Variants in LARP1 observed in about 807,000 individuals in gnomAD.
LARP1 encodes the protein la-related protein 1.
In LARP1, 36 loss-of-function variants were observed where a neutral mutation model predicts 122.7. The ratio of observed to expected loss-of-function variants is 0.29; its 90% CI spans 0.22 to 0.39. The LOEUF is 0.39. LARP1 is among the 10% of genes least tolerant of loss of function. LARP1 has a pLI of 1.00. For missense variants in LARP1, 1,040 were observed against 1,403.6 expected, an observed-to-expected ratio of 0.74 and a Z score of 4.14; for synonymous variants, 539 against 528.7, an observed-to-expected ratio of 1.02 and a Z score of -0.27.
At chr5:154,776,842 G>C (rs1407326953) in intron 1 of LARP1, among the ~76,000 whole-genome samples, 3 of 152,180 alleles carry the variant, frequency 2.0e-5, no homozygotes, top group Non-Finnish European at 4.4e-5. Context: ...AGGAACTCCT[G>C]CTGAATGGGA....
At chr5:154,750,055 G>A (rs988692873) in intron 1 of LARP1, among the ~76,000 whole-genome samples, 1 of 152,160 alleles carries the variant, frequency 6.6e-6, no homozygotes, top group Non-Finnish European at 1.5e-5. Context: ...CAGCAAACTC[G>A]GAGATGGGAC....
At chr5:154,808,398 C>T (rs978706926) in intron 15 of LARP1, 61 bp from the exon 16 acceptor site, 100 of 1,570,500 alleles carry the variant, frequency 6.4e-5, no homozygotes, top group Non-Finnish European at 7.9e-5. Context: ...AGGATCCTTT[C>T]TCCCTGAAGC....
intron 1 of LARP1, among the ~76,000 whole-genome samples, chr5:154,720,200 ATAATAATAG>A (rs1392012345): frequency 2.2e-5 from 3 of 138,978 alleles, no homozygotes; most frequent in Non-Finnish European, 4.9e-5. Flanking sequence ...CAAAATAATA[ATAATAATAG>A]TAATAATAAT....
At chr5:154,692,989 TTA>T (rs200338860) in intron 1 of LARP1, among the ~76,000 whole-genome samples, 6,910 of 35,166 alleles carry the variant, frequency 0.2, 586 homozygotes, top group African/African-American at 0.47. Flanking sequence ...TAATTTTTAA[TTA>T]TTTTTTTTTT....
At chr5:154,778,076 A>C (rs1365234733) in intron 1 of LARP1, among the ~76,000 whole-genome samples, 1 of 152,034 alleles carries the variant, frequency 6.6e-6, no homozygotes, top group Non-Finnish European at 1.5e-5. Flanking sequence ...CCTGGCTAAC[A>C]CGGTGAAACC....
chr5:154,764,309 C>CA (rs763026015), intron 1 of LARP1, among the ~76,000 whole-genome samples: 4,464 of 112,612 alleles, frequency 0.04, 190 homozygotes, highest in African/African-American at 0.12. Context: ...GACTTCATCT[C>CA]AAAAAAAAAA....
At chr5:154,733,926 G>A (rs1756734000) in intron 1 of LARP1, among the ~76,000 whole-genome samples, 1 of 152,084 alleles carries the variant, frequency 6.6e-6, no homozygotes, top group East Asian at 1.9e-4. Flanking sequence ...AGCACTTTGG[G>A]AGGCGGAGGC....
At chr5:154,685,782 G>C (rs781707336) in intron 1 of LARP1, 3 of 502,820 alleles carry the variant, frequency 6.0e-6, no homozygotes, top group East Asian at 5.6e-5. Flanking sequence ...ATCAGGCTGG[G>C]CAACATAGCG....
intron 18 of LARP1, among the ~76,000 whole-genome samples, chr5:154,812,669 A>G (rs904710072): frequency 6.6e-6 from 1 of 151,784 alleles, no homozygotes; most frequent in African/African-American, 2.4e-5. Context: ...ATAGGTGCGC[A>G]CCACCACGCC....
At chr5:154,715,422 G>A (rs1006142824) in intron 1 of LARP1, among the ~76,000 whole-genome samples, 9 of 151,646 alleles carry the variant, frequency 5.9e-5, no homozygotes, top group Admixed American at 6.6e-5. Flanking sequence ...GTGCCACCAC[G>A]CTCAGCTCAT....
In LARP1 at chr5:154,724,996, G is replaced by A. The variant is rs189893539; in HGVS notation, c.205+11866G>A. Among the ~76,000 whole-genome samples the A allele has an allele frequency of 3.4e-3, 523 of 152,238 alleles. 2 individuals carry two copies. The highest frequency in any genetic ancestry group is 6.1e-3 in the Non-Finnish European group (417 of 68,012). ...TGGGAATTATTAAAAGAGCTAAACA[G>A]CCAGCCCTGTTGCCTCACACCTGTA... is the stretch of plus-strand genomic sequence containing the variant. On this transcript the variant is annotated intron_variant, in intron 1 of 18. Transcript: ENST00000336314.
intron 1 of LARP1, among the ~76,000 whole-genome samples, chr5:154,729,877 T>A (rs1338895758): frequency 6.6e-6 from 1 of 152,154 alleles, no homozygotes; most frequent in East Asian, 1.9e-4. Flanking sequence ...AATTTGCAAC[T>A]AAGGCAGTAA....
intron 1 of LARP1, chr5:154,757,178 G>T (rs1247517266): frequency 6.6e-6 from 1 of 151,106 alleles, no homozygotes; most frequent in Non-Finnish European, 1.5e-5. Flanking sequence ...GGGACAACGT[G>T]GTGCCTCCCC....
At position 154,811,497 on chromosome 5, in the gene LARP1, G is replaced by A. The variant is rs374004458; in HGVS notation, c.2954-16G>A. ...TTATCCTCACCAGCTCAGCTTTTCT[G>A]TACCTCTCCCTACAGGCCAACTGTA... On this transcript the variant is annotated splice_polypyrimidine_tract_variant and intron_variant, in intron 17 of 18. Coordinates refer to ENST00000518297, the MANE Select transcript of LARP1 (RefSeq NM_033551.3). 6.2e-7 allele frequency: 1 copy of A among 1,614,122 alleles called. No homozygotes were observed. Among genetic ancestry groups the A allele is most frequent in the African/African-American group, 1.3e-5 (1 of 75,022 alleles).
intron 1 of LARP1, among the ~76,000 whole-genome samples, chr5:154,695,197 C>T (rs1049757332): frequency 2.0e-5 from 3 of 151,700 alleles, no homozygotes; most frequent in African/African-American, 7.3e-5. Context: ...TGCCTGTAGT[C>T]CCAGCTACTC....
intron 15 of LARP1, 65 bp from the exon 16 acceptor site, chr5:154,808,394 C>CT (rs1758970433): frequency 1.3e-6 from 2 of 1,566,140 alleles, no homozygotes; most frequent in African/African-American, 1.4e-5. Flanking sequence ...TTCCAGGATC[C>CT]TTTCTCCCTG....
intron 8 of LARP1, among the ~76,000 whole-genome samples, chr5:154,796,112 G>GTATATATAT (rs1030124068): frequency 6.1e-5 from 5 of 81,594 alleles, no homozygotes; most frequent in African/African-American, 3.2e-4. Context: ...TTTATATATA[G>GTATATATAT]TATATATATT....
chr5:154,815,019 G>A lies in LARP1; in HGVS notation c.*923G>A, dbSNP rs1438316486. ...ATATTTTTTTAAAAGTTGCCTTATT[G>A]TGGAGCGGGAATCTGAAATACCCAA... On this transcript the variant is annotated 3_prime_UTR_variant, in exon 19 of 19. Coordinates refer to ENST00000518297, the MANE Select transcript of LARP1 (RefSeq NM_033551.3). 2 of 152,006 alleles carry A rather than the reference G, an allele frequency of 1.3e-5. No individual in the cohort carries two copies. The highest frequency in any genetic ancestry group is 4.9e-5 in the African/African-American group (2 of 41,218). The allele number at this position is 152,006 out of a possible 1,614,324, so 9.4% of individuals were successfully genotyped here. A position where few individuals can be genotyped will look rare whatever the true frequency, so the allele number is the denominator to read the frequency against.
chr5:154,709,420 G>A (rs1164876395), upstream of LARP1, among the ~76,000 whole-genome samples: 3 of 152,062 alleles, frequency 2.0e-5, no homozygotes, highest in East Asian at 1.9e-4. Context: ...ATAGCCAGTC[G>A]CCACATATTA....
Sources: gnomAD v4.1 joint callset for allele counts (sites outside exome capture counted in the v4.1 genomes callset) on GRCh38, gnomAD v4.1.1 for gene constraint, MANE v1.5 for transcripts, NCBI Gene and HGNC (gene_info 2026-07-23, HGNC 2026-07-21) for gene names.